Variants in FARS2 observed in about 807,000 individuals in gnomAD.
FARS2 encodes the protein phenylalanyl-tRNA synthetase 2, mitochondrial.
A neutral mutation model predicts 46.4 loss-of-function variants in FARS2; 40 were observed. That is an observed-to-expected ratio of 0.86 (90% CI 0.67 to 1.12). The LOEUF (loss-of-function observed/expected upper bound fraction) is 1.12. Ranked by LOEUF, FARS2 falls within the 50% of genes most tolerant of loss-of-function variation. The probability of loss-of-function intolerance (pLI) is 0.00; values close to 1 mark genes in which losing one functional copy is unlikely to be tolerated. For synonymous variants in FARS2, 234 were observed against 214.9 expected, an observed-to-expected ratio of 1.09 and a Z score of -0.78; for missense variants, 513 against 567.9, an observed-to-expected ratio of 0.90 and a Z score of 0.98.
intron 6 of FARS2, among the ~76,000 whole-genome samples, chr6:5,726,014 G>T (rs1413943490): frequency 6.6e-6 from 1 of 152,290 alleles, no homozygotes; most frequent in Middle Eastern, 3.4e-3. Context: ...ATTGGAAGGA[G>T]GTGGATGAAT....
At chr6:5,266,546 A>C (rs1765561981) in intron 1 of FARS2, among the ~76,000 whole-genome samples, 2 of 152,154 alleles carry the variant, frequency 1.3e-5, no homozygotes, top group Non-Finnish European at 2.9e-5. Context: ...CTGAGAGTTT[A>C]TTTAGCCAGG....
intron 6 of FARS2, among the ~76,000 whole-genome samples, chr6:5,718,611 A>T (rs1213480317): frequency 6.7e-6 from 1 of 150,080 alleles, no homozygotes; most frequent in Non-Finnish European, 1.5e-5. Context: ...ATGCAAGCTC[A>T]TTTTTTTTTT....
chr6:5,610,310 TTAAA>T, intron 5 of FARS2: 1 of 333,408 alleles, frequency 3.0e-6, no homozygotes, highest in Non-Finnish European at 5.4e-6. Context: ...TCAATTCTTT[TTAAA>T]AAAAAAAAAA....
intron 1 of FARS2, among the ~76,000 whole-genome samples, chr6:5,301,848 A>ACACACACACACAC (rs1561943021): frequency 1.5e-4 from 18 of 123,000 alleles, no homozygotes; most frequent in African/African-American, 5.2e-4. Flanking sequence ...CACACACACA[A>ACACACACACACAC]AGAAAATGGG....
At chr6:5,325,894 A>C (rs1442541223) in intron 1 of FARS2, among the ~76,000 whole-genome samples, 4 of 152,208 alleles carry the variant, frequency 2.6e-5, no homozygotes, top group Non-Finnish European at 4.4e-5. Flanking sequence ...AGCATCACTA[A>C]TATTATAAAT....
intron 6 of FARS2, chr6:5,694,914 T>C (rs1350528536): frequency 1.3e-5 from 2 of 151,424 alleles, no homozygotes; most frequent in African/African-American, 4.9e-5. Context: ...GGCTAAGGTG[T>C]GAGGATCGTT....
chr6:5,625,368 G>C (rs544545727), intron 6 of FARS2, among the ~76,000 whole-genome samples: 16 of 152,300 alleles, frequency 1.1e-4, no homozygotes, highest in Admixed American at 5.2e-4. Flanking sequence ...TGACACAGGG[G>C]TGCAGGCTGA....
chr6:5,513,696 G>A (rs1021358315), intron 4 of FARS2, among the ~76,000 whole-genome samples: 5 of 152,188 alleles, frequency 3.3e-5, no homozygotes, highest in African/African-American at 4.8e-5. Context: ...GAATGGTAAC[G>A]TCATAGTAAC....
Position 5,435,940 on chromosome 6 carries a change from G to A in FARS2, c.904+4768G>A, listed in dbSNP as rs189428084. 4.5e-4 allele frequency among the ~76,000 whole-genome samples: 69 copies of A among 152,294 alleles called. 2 individuals carry two copies. Among genetic ancestry groups the A allele is most frequent in the African/African-American group, 1.6e-3 (67 of 41,566 alleles). Reference sequence around the variant, plus strand: ...ATAAATAGGTACATGAACAGCTTCCGGTTTTGAAGGATCATTATTGGCTTG... The same window carrying A: ...ATAAATAGGTACATGAACAGCTTCCAGTTTTGAAGGATCATTATTGGCTTG... On this transcript the variant is annotated intron_variant, in intron 4 of 6. Coordinates refer to ENST00000274680, the MANE Select transcript of FARS2 (RefSeq NM_006567.5).
At chr6:5,394,934 G>T (rs1309547808) in intron 2 of FARS2, among the ~76,000 whole-genome samples, 4 of 152,118 alleles carry the variant, frequency 2.6e-5, no homozygotes, top group African/African-American at 9.7e-5. Flanking sequence ...TCTTTTGTAG[G>T]AGAGTAGGAC....
intron 6 of FARS2, among the ~76,000 whole-genome samples, chr6:5,737,595 G>C (rs554862769): frequency 6.6e-6 from 1 of 152,340 alleles, no homozygotes; most frequent in East Asian, 1.9e-4. Context: ...AATAGTGTGA[G>C]TGGCAGATGG....
intron 2 of FARS2, among the ~76,000 whole-genome samples, chr6:5,393,321 G>A (rs1377212108): frequency 3.9e-5 from 6 of 152,094 alleles, no homozygotes; most frequent in African/African-American, 1.4e-4. Flanking sequence ...TGGCAGCAGT[G>A]GAGGGTCTGG....
chr6:5,472,952 A>G (rs1765886663), intron 4 of FARS2, among the ~76,000 whole-genome samples: 1 of 152,208 alleles, frequency 6.6e-6, no homozygotes, highest in Non-Finnish European at 1.5e-5. Context: ...GCATAAAGAA[A>G]AAGTGTGTTA....
At chr6:5,606,776 T>C (rs1253963642) in intron 5 of FARS2, among the ~76,000 whole-genome samples, 3 of 152,162 alleles carry the variant, frequency 2.0e-5, no homozygotes, top group Non-Finnish European at 4.4e-5. Context: ...GTACACACAC[T>C]GGGCTGGAGC....
chr6:5,753,468 G>A (rs1762054923), intron 6 of FARS2, among the ~76,000 whole-genome samples: 1 of 152,106 alleles, frequency 6.6e-6, no homozygotes, highest in Non-Finnish European at 1.5e-5. Flanking sequence ...CATTGGAATA[G>A]ACCAGTTTCT....
At chr6:5,730,881 G>A (rs993059840) in intron 6 of FARS2, among the ~76,000 whole-genome samples, 8 of 152,188 alleles carry the variant, frequency 5.3e-5, no homozygotes, top group African/African-American at 1.4e-4. Context: ...TTCAGCCCTA[G>A]ATGGTCTTTT....
intron 6 of FARS2, among the ~76,000 whole-genome samples, chr6:5,706,049 T>C (rs1432574546): frequency 6.6e-6 from 1 of 152,164 alleles, no homozygotes; most frequent in East Asian, 1.9e-4. Context: ...AGACCATTTT[T>C]CCATGGATGG....
At chr6:5,467,209 TTTTA>T (rs1358243972) in intron 4 of FARS2, 138 of 473,820 alleles carry the variant, frequency 2.9e-4, no homozygotes, top group Middle Eastern at 1.0e-3. Context: ...TATTTTTTAT[TTTTA>T]TTTATTTATT....
At chr6:5,314,698 C>A (rs1446975236) in intron 1 of FARS2, among the ~76,000 whole-genome samples, 1 of 152,186 alleles carries the variant, frequency 6.6e-6, no homozygotes, top group Non-Finnish European at 1.5e-5. Flanking sequence ...GAATTCTCCT[C>A]ACACTTGTGA....
Sources: gnomAD v4.1 joint callset for allele counts (sites outside exome capture counted in the v4.1 genomes callset) on GRCh38, gnomAD v4.1.1 for gene constraint, MANE v1.5 for transcripts, NCBI Gene and HGNC (gene_info 2026-07-23, HGNC 2026-07-21) for gene names.